The following PDE11A variants were observed in gnomAD, a reference collection of about 807,000 sequenced individuals.
PDE11A encodes the protein phosphodiesterase 11A, also known as dual 3',5'-cyclic-AMP and -GMP phosphodiesterase 11A.
A neutral mutation model predicts 100.5 loss-of-function variants in PDE11A; 100 were observed. That is an observed-to-expected ratio of 1.00 (90% CI 0.85 to 1.18). The LOEUF (loss-of-function observed/expected upper bound fraction) is 1.18. Among genes scored for constraint, PDE11A ranks in the 50% most tolerant of loss-of-function variants. The probability of loss-of-function intolerance (pLI) is 0.00; values close to 1 mark genes in which losing one functional copy is unlikely to be tolerated. For missense variants in PDE11A, 1,141 were observed against 1,152.6 expected (o/e 0.99, Z 0.15); for synonymous variants, 381 against 420.8 (o/e 0.91, Z 1.16).
chr2:177,823,240 G>A (rs2083169944), intron 6 of PDE11A, among the ~76,000 whole-genome samples: 1 of 152,052 alleles, frequency 6.6e-6, no homozygotes, highest in Non-Finnish European at 1.5e-5. Flanking sequence ...ATAGAAAAAT[G>A]GATTCAAATA....
At chr2:178,102,437 T>G (rs1408399971) in intron 2 of PDE11A, among the ~76,000 whole-genome samples, 3 of 145,458 alleles carry the variant, frequency 2.1e-5, no homozygotes, top group Non-Finnish European at 3.0e-5. Context: ...AGTTTTTTTT[T>G]TTTTTTTTTT....
chr2:177,993,094 T>G (rs531148936), intron 2 of PDE11A, among the ~76,000 whole-genome samples: 2 of 152,224 alleles, frequency 1.3e-5, no homozygotes, highest in East Asian at 3.9e-4. Context: ...TTCCTACTCA[T>G]AAAATGGGGC....
intron 2 of PDE11A, among the ~76,000 whole-genome samples, chr2:177,982,666 T>C (rs2085896927): frequency 6.6e-6 from 1 of 150,772 alleles, no homozygotes; most frequent in Non-Finnish European, 1.5e-5. Flanking sequence ...TATTTCACAA[T>C]TTAACAAGAT....
chr2:178,060,641 A>G (rs575041099), intron 1 of PDE11A, among the ~76,000 whole-genome samples: 4 of 152,298 alleles, frequency 2.6e-5, no homozygotes, highest in African/African-American at 7.2e-5. Context: ...TCTGAAAATG[A>G]TGCACTCCAC....
intron 2 of PDE11A, among the ~76,000 whole-genome samples, chr2:177,910,909 G>C (rs1357527129): frequency 6.6e-6 from 1 of 152,140 alleles, no homozygotes; most frequent in Non-Finnish European, 1.5e-5. Context: ...AAGAATGCCG[G>C]GGGTCTACAC....
At chr2:177,782,553 A>G (rs1032809564) in intron 9 of PDE11A, among the ~76,000 whole-genome samples, 1 of 152,170 alleles carries the variant, frequency 6.6e-6, no homozygotes, top group African/African-American at 2.4e-5. Context: ...CAAAATGTCT[A>G]CATATTCTTG....
intron 2 of PDE11A, among the ~76,000 whole-genome samples, chr2:177,952,254 A>G (rs528648194): frequency 3.3e-5 from 5 of 152,304 alleles, no homozygotes; most frequent in Admixed American, 2.0e-4. Flanking sequence ...CCCTTCCTGG[A>G]ACAGACTTCT....
At chr2:177,631,217 G>A (rs571940897) in intron 19 of PDE11A, among the ~76,000 whole-genome samples, 1 of 149,472 alleles carries the variant, frequency 6.7e-6, no homozygotes, top group Non-Finnish European at 1.5e-5. Flanking sequence ...AGGCTGAGGT[G>A]AGTGGATCAT....
At chr2:177,871,727 G>A (rs1444485155) in intron 5 of PDE11A, among the ~76,000 whole-genome samples, 1 of 151,734 alleles carries the variant, frequency 6.6e-6, no homozygotes, top group Non-Finnish European at 1.5e-5. Flanking sequence ...AGGTGTGGTG[G>A]CATGCACTTG....
chr2:177,978,051 C>A (rs1394076690), intron 2 of PDE11A, among the ~76,000 whole-genome samples: 1 of 8,054 alleles, frequency 1.2e-4, no homozygotes, highest in African/African-American at 5.2e-4. Flanking sequence ...AAAGCAATGG[C>A]AACAAAAGCC....
intron 2 of PDE11A, among the ~76,000 whole-genome samples, chr2:177,990,436 G>A (rs2085988291): frequency 6.6e-6 from 1 of 152,020 alleles, no homozygotes; most frequent in Non-Finnish European, 1.5e-5. Flanking sequence ...GTATCTGGGG[G>A]GGATAGTTTC....
chr2:177,791,393 G>T (rs888821859), intron 9 of PDE11A, among the ~76,000 whole-genome samples: 4 of 118,828 alleles, frequency 3.4e-5, no homozygotes, highest in Admixed American at 9.5e-5. Flanking sequence ...GTTGTCGGGT[G>T]GGGGGAGGGG....
chr2:177,631,323 C>CA (rs1553528990), intron 19 of PDE11A, among the ~76,000 whole-genome samples: 1,699 of 10,870 alleles, frequency 0.16, 46 homozygotes, highest in South Asian at 0.42. Context: ...AAAAAAAAAA[C>CA]AACCTAGGCG....
chr2:177,840,166 G>A (rs909257197), intron 6 of PDE11A, 85 bp downstream of exon 6: 7 of 1,355,328 alleles, frequency 5.2e-6, no homozygotes, highest in Non-Finnish European at 7.4e-6. Context: ...AAGAATTGCT[G>A]GTAAGTATTC....
intron 5 of PDE11A, among the ~76,000 whole-genome samples, chr2:177,851,665 G>T (rs1407160990): frequency 6.6e-6 from 1 of 152,172 alleles, no homozygotes; most frequent in Non-Finnish European, 1.5e-5. Context: ...ATATTGTGTG[G>T]TTTCATGCAC....
At chr2:177,971,152 G>C (rs146529713) in intron 2 of PDE11A, among the ~76,000 whole-genome samples, 2 of 152,254 alleles carry the variant, frequency 1.3e-5, no homozygotes, top group East Asian at 3.9e-4. Flanking sequence ...TTGCTGTATA[G>C]AAAAACCACT....
Position 177,663,953 on chromosome 2 carries a change from G to GA in PDE11A, c.2563-5dup. ...TCCGGTTCCGATCAAAAATTGCCTA[G>GA]AATGGGGGGCAGGAAGAACCTCGCT... On this transcript the variant is annotated splice_polypyrimidine_tract_variant and splice_region_variant and intron_variant, in intron 18 of 19. Coordinates refer to ENST00000286063, the MANE Select transcript of PDE11A (RefSeq NM_016953.4). 1 of 1,600,202 alleles carries GA rather than the reference G, an allele frequency of 6.2e-7. No individual in the cohort carries two copies. The highest frequency in any genetic ancestry group is 1.3e-5 in the African/African-American group (1 of 74,718).
intron 19 of PDE11A, among the ~76,000 whole-genome samples, chr2:177,649,002 A>T (rs889624780): frequency 6.6e-6 from 1 of 152,194 alleles, no homozygotes; most frequent in Admixed American, 6.5e-5. Context: ...TTCTAAGTAA[A>T]TAAATCTATA....
chr2:177,737,359 ACGAGGTCAGGAGATCG>A (rs2081802737), intron 10 of PDE11A, among the ~76,000 whole-genome samples: 1 of 151,494 alleles, frequency 6.6e-6, no homozygotes, highest in Non-Finnish European at 1.5e-5. Flanking sequence ...TGGACAGATC[ACGAGGTCAGGAGATCG>A]AGACCATCCT....
Sources: allele counts gnomAD v4.1 joint callset (sites outside exome capture counted in the v4.1 genomes callset), GRCh38; gene constraint gnomAD v4.1.1; transcripts MANE v1.5; gene names NCBI Gene and HGNC (gene_info 2026-07-23, HGNC 2026-07-21).